PTPRD: variants seen among roughly 807,000 people sequenced by gnomAD.
PTPRD encodes the protein protein tyrosine phosphatase receptor type D, also known as receptor-type tyrosine-protein phosphatase delta.
Under a neutral mutation model 214.5 loss-of-function variants are expected in PTPRD, and 34 were observed. The ratio of observed to expected loss-of-function variants is 0.16; its 90% CI spans 0.12 to 0.21. PTPRD has a LOEUF of 0.21. PTPRD is among the 10% of genes least tolerant of loss of function. The probability of loss-of-function intolerance (pLI) is 1.00; values close to 1 mark genes in which losing one functional copy is unlikely to be tolerated. For synonymous variants in PTPRD, 1,128 were observed against 845.7 expected (o/e 1.33, Z -5.79); for missense variants, 2,545 against 2,398.7 (o/e 1.06, Z -1.27).
intron 6 of PTPRD, among the ~76,000 whole-genome samples, chr9:9,762,577 T>C (rs540121809): frequency 6.6e-6 from 1 of 152,306 alleles, no homozygotes; most frequent in East Asian, 1.9e-4. Flanking sequence ...CTAATTTTAT[T>C]GCTCATAAGT....
intron 11 of PTPRD, among the ~76,000 whole-genome samples, chr9:8,796,834 G>C (rs547029873): frequency 4.0e-5 from 6 of 151,898 alleles, no homozygotes; most frequent in Non-Finnish European, 7.4e-5. Flanking sequence ...ACTTTCATTG[G>C]TAAACTCAAA....
intron 8 of PTPRD, among the ~76,000 whole-genome samples, chr9:9,460,765 T>A (rs2093584295): frequency 6.6e-6 from 1 of 151,932 alleles, no homozygotes; most frequent in South Asian, 2.1e-4. Flanking sequence ...ACAATATGGA[T>A]GATTCTAAAA....
At chr9:8,355,441 T>C (rs2076734469) in intron 39 of PTPRD, among the ~76,000 whole-genome samples, 1 of 148,204 alleles carries the variant, frequency 6.7e-6, no homozygotes, top group Non-Finnish European at 1.5e-5. Context: ...ACCTTTTAGT[T>C]CGAGTGGTAT....
chr9:10,557,485 T>C (rs2062874070), intron 2 of PTPRD, among the ~76,000 whole-genome samples: 2 of 152,146 alleles, frequency 1.3e-5, no homozygotes, highest in South Asian at 4.1e-4. Context: ...CTCAGCAAAA[T>C]GTAAACCTGC....
At position 8,510,472 on chromosome 9, in the gene PTPRD, T is replaced by A. The variant is rs191627746; in HGVS notation, c.1544-3038A>T. Among the ~76,000 whole-genome samples the A allele has an allele frequency of 2.9e-3, 439 of 152,288 alleles. 2 individuals are homozygous for A. Among genetic ancestry groups the A allele is most frequent in the African/African-American group, 9.5e-3 (397 of 41,572 alleles). ...GCTCAGTGACAGCAGGTTGCTGCCT[T>A]GTGAAATGTGGGCGCACTCTTGTCC... On this transcript the variant is annotated intron_variant, in intron 21 of 45. Transcript: ENST00000381196.
intron 9 of PTPRD, among the ~76,000 whole-genome samples, chr9:9,313,847 C>T (rs915301799): frequency 6.6e-6 from 1 of 152,076 alleles, no homozygotes; most frequent in South Asian, 2.1e-4. Flanking sequence ...AATCCTCATA[C>T]AAAATTTATT....
intron 24 of PTPRD, among the ~76,000 whole-genome samples, chr9:8,500,244 G>A (rs899650476): frequency 3.3e-5 from 5 of 151,706 alleles, no homozygotes; most frequent in Non-Finnish European, 7.4e-5. Flanking sequence ...TTAAACGGCA[G>A]AATAAAAAGA....
intron 7 of PTPRD, among the ~76,000 whole-genome samples, chr9:9,609,300 G>A (rs2094380862): frequency 2.6e-5 from 4 of 152,054 alleles, no homozygotes; most frequent in Admixed American, 2.6e-4. Flanking sequence ...AATTCAGTCT[G>A]AGGTTGTTTC....
intron 37 of PTPRD, among the ~76,000 whole-genome samples, chr9:8,378,667 C>T (rs1357756135): frequency 6.6e-6 from 1 of 152,030 alleles, no homozygotes; most frequent in Non-Finnish European, 1.5e-5. Flanking sequence ...TCCCTAAGGA[C>T]AAATATCACT....
intron 2 of PTPRD, among the ~76,000 whole-genome samples, chr9:10,589,580 A>G (rs1446098053): frequency 2.6e-5 from 4 of 152,086 alleles, no homozygotes; most frequent in Non-Finnish European, 1.5e-5. Context: ...ATTCTTGCCA[A>G]ACTCAGGAAT....
intron 10 of PTPRD, among the ~76,000 whole-genome samples, chr9:9,021,931 C>T (rs577829635): frequency 3.4e-5 from 5 of 147,808 alleles, no homozygotes; most frequent in Non-Finnish European, 7.4e-5. Context: ...AATGAGAACA[C>T]GTGGACACAG....
chr9:9,938,401 C>T (rs1283532342), intron 5 of PTPRD, 106 bp downstream of exon 5: 3 of 152,050 alleles, frequency 2.0e-5, no homozygotes, highest in South Asian at 2.1e-4. Flanking sequence ...ATTTTGAAAG[C>T]GTAAAAGGGT....
chr9:10,087,350 A>C (rs2098360318), intron 3 of PTPRD, among the ~76,000 whole-genome samples: 1 of 151,688 alleles, frequency 6.6e-6, no homozygotes, highest in Admixed American at 6.6e-5. Flanking sequence ...TAAAATTTTG[A>C]ATTTACATAA....
intron 3 of PTPRD, among the ~76,000 whole-genome samples, chr9:10,301,251 C>G (rs760716412): frequency 1.8e-4 from 28 of 152,072 alleles, no homozygotes; most frequent in Non-Finnish European, 3.7e-4. Context: ...CACTCAGAGA[C>G]CCCATCCGAA....
At chr9:9,038,837 G>A (rs888578226) in intron 10 of PTPRD, among the ~76,000 whole-genome samples, 6 of 152,094 alleles carry the variant, frequency 3.9e-5, no homozygotes, top group South Asian at 2.1e-4. Flanking sequence ...CATTACAGGC[G>A]TGAGCCACCC....
At chr9:9,728,086 T>A (rs985068964) in intron 7 of PTPRD, among the ~76,000 whole-genome samples, 1 of 152,042 alleles carries the variant, frequency 6.6e-6, no homozygotes, top group African/African-American at 2.4e-5. Context: ...TATAAGGGGT[T>A]TCCTCTTTTT....
chr9:9,528,235 G>C (rs932749888), intron 8 of PTPRD, among the ~76,000 whole-genome samples: 2 of 152,144 alleles, frequency 1.3e-5, no homozygotes, highest in African/African-American at 4.8e-5. Context: ...GTATTCATGA[G>C]AGAAAACTAC....
intron 10 of PTPRD, among the ~76,000 whole-genome samples, chr9:9,077,785 C>T (rs1381629294): frequency 6.6e-6 from 1 of 151,986 alleles, no homozygotes; most frequent in Admixed American, 6.6e-5. Flanking sequence ...GCACATGGAA[C>T]ATTTCCTTGG....
chr9:10,502,851 G>A (rs7027642), intron 2 of PTPRD, among the ~76,000 whole-genome samples: 4,740 of 151,990 alleles, frequency 0.031, 205 homozygotes, highest in African/African-American at 0.1. Flanking sequence ...CTTAGAGTCC[G>A]AAGATAATTT....
Sources: allele counts gnomAD v4.1 joint callset (sites outside exome capture counted in the v4.1 genomes callset), GRCh38; gene constraint gnomAD v4.1.1; transcripts MANE v1.5; gene names NCBI Gene and HGNC (gene_info 2026-07-23, HGNC 2026-07-21).